JHY: variants seen among roughly 807,000 people sequenced by gnomAD.
The protein encoded by JHY is jhy protein homolog.
Under a neutral mutation model 78.0 loss-of-function variants are expected in JHY, and 69 were observed. The observed-to-expected ratio is 0.88, with a 90% CI of 0.73 to 1.08. The LOEUF (loss-of-function observed/expected upper bound fraction) is 1.08. Ranked by LOEUF, JHY falls within the 50% of genes least tolerant of loss-of-function variation. The pLI is 0.00. For missense variants in JHY, 944 were observed against 927.8 expected (o/e 1.02, Z -0.23); for synonymous variants, 368 against 342.6 (o/e 1.07, Z -0.82).
intron 2 of JHY, among the ~76,000 whole-genome samples, chr11:122,892,326 ATT>A (rs879432982): frequency 6.8e-6 from 1 of 146,588 alleles, no homozygotes; most frequent in African/African-American, 2.5e-5. Context: ...AATAATCTGC[ATT>A]TTTTTTTTTT....
chr11:122,907,754 G>T (rs1863025557), intron 3 of JHY, among the ~76,000 whole-genome samples: 1 of 147,914 alleles, frequency 6.8e-6, no homozygotes, highest in Non-Finnish European at 1.5e-5. Context: ...TGAGGCAGGA[G>T]AATCGCTCGA....
chr11:122,961,214 A>T lies in JHY; in HGVS notation c.*1769A>T, dbSNP rs1864307468. On this transcript the variant is annotated 3_prime_UTR_variant, in exon 9 of 9. Coordinates refer to ENST00000227349, the MANE Select transcript of JHY (RefSeq NM_024806.4). ...ATAGTTTATATCTCCTAAAAATGAAACATTTGTTCCCTATACTGAGAGAAC... is the reference window on the plus strand; with the variant it reads ...ATAGTTTATATCTCCTAAAAATGAATCATTTGTTCCCTATACTGAGAGAAC... 5 of 463,212 alleles carry T rather than the reference A, an allele frequency of 1.1e-5. No homozygotes were observed. 28.7% of individuals were successfully genotyped at this position (463,212 alleles called of 1,614,324 possible).
chr11:122,961,318 TG>T lies in JHY; in HGVS notation c.*1874del, dbSNP rs911051886. 1.4e-3 allele frequency among the ~76,000 whole-genome samples: 160 copies of T among 112,466 alleles called. 1 individual carries two copies. The highest frequency in any genetic ancestry group is 3.0e-3 in the Non-Finnish European group (137 of 46,056). The allele number at this position is 112,466 out of a possible 152,430, so 73.8% of individuals were successfully genotyped here. The stretch of plus-strand genomic sequence containing the variant: ...TGTTCCATGATCATTTTTTTATTGT[TG>T]TTTTTTTTGCTGTTGTTGTTGTTTT... On this transcript the variant is annotated 3_prime_UTR_variant, in exon 9 of 9. Transcript: ENST00000227349.
At chr11:122,914,689 C>T (rs1408510534) in intron 3 of JHY, among the ~76,000 whole-genome samples, 2 of 151,918 alleles carry the variant, frequency 1.3e-5, no homozygotes, top group Non-Finnish European at 2.9e-5. Context: ...ATGATCTGCC[C>T]GCCTCAGCCT....
Position 122,935,200 on chromosome 11 carries a change from A to G in JHY, c.1634+125A>G, listed in dbSNP as rs1412573863. 4.7e-6 allele frequency: 4 copies of G among 846,086 alleles called. No homozygotes were observed. Among genetic ancestry groups the G allele is most frequent in the Non-Finnish European group, 7.0e-6 (4 of 570,696 alleles). 52.4% of individuals were successfully genotyped at this position (846,086 alleles called of 1,614,324 possible). On this transcript the variant is annotated intron_variant, in intron 5 of 8. Coordinates refer to ENST00000227349, the MANE Select transcript of JHY (RefSeq NM_024806.4). The surrounding 1 kb of genome is among the most constrained non-coding windows in gnomAD (Gnocchi z 4.5). ...GCTAGGTGAGAAGAAGAGTTCACCTAACAACTTCCTTAGCTCTGATTCCTG... is the reference window on the plus strand; with the variant it reads ...GCTAGGTGAGAAGAAGAGTTCACCTGACAACTTCCTTAGCTCTGATTCCTG...
chr11:122,952,056 T>C (rs1443525645), intron 6 of JHY, among the ~76,000 whole-genome samples: 1 of 151,048 alleles, frequency 6.6e-6, no homozygotes, highest in Non-Finnish European at 1.5e-5. Context: ...CATGGAGAGG[T>C]AAATCAAAGT....
intron 8 of JHY, among the ~76,000 whole-genome samples, chr11:122,957,811 T>TCACACATACACA (rs1864225093): frequency 6.7e-6 from 1 of 149,712 alleles, no homozygotes; most frequent in Non-Finnish European, 1.5e-5. Flanking sequence ...ACACACACAG[T>TCACACATACACA]CACACACACA....
At chr11:122,927,215 T>C (rs184712258) in intron 4 of JHY, 8 of 152,354 alleles carry the variant, frequency 5.3e-5, no homozygotes, top group African/African-American at 1.9e-4. Flanking sequence ...ATCGCAGTGC[T>C]TGATTTATGG....
At chr11:122,892,767 C>T (rs576868299) in intron 2 of JHY, among the ~76,000 whole-genome samples, 1 of 152,210 alleles carries the variant, frequency 6.6e-6, no homozygotes, top group South Asian at 2.1e-4. Flanking sequence ...CCAAAAGAGA[C>T]CACAGGTAGA....
rs1445949175 is a variant in JHY at position 122,935,228 on chromosome 11, T to G, written c.1634+153T>G. Among the ~76,000 whole-genome samples, 1 of 150,920 alleles carries G rather than the reference T, an allele frequency of 6.6e-6. No individual in the cohort carries two copies. The highest frequency in any genetic ancestry group is 2.4e-5 in the African/African-American group (1 of 40,928). ...AACTTCCTTAGCTCTGATTCCTGCC[T>G]CAAAGAGTCCACTTTTTTTTTTTTT... is the stretch of plus-strand genomic sequence containing the variant. On this transcript the variant is annotated intron_variant, in intron 5 of 8. Transcript: ENST00000227349. This position sits in a 1 kb window ranked among gnomAD's most constrained non-coding sequence, Gnocchi z 4.5.
At chr11:122,941,363 T>G (rs1863872231) in intron 5 of JHY, among the ~76,000 whole-genome samples, 1 of 152,208 alleles carries the variant, frequency 6.6e-6, no homozygotes, top group Non-Finnish European at 1.5e-5. Context: ...TTCCTCATGC[T>G]TCTCCTTTTC....
rs199735540 is a variant in JHY at position 122,963,158 on chromosome 11, CT to C, written c.*3723del. Reference sequence around the variant, plus strand: ...CAATAAAAGAGACACTATTTATTTTCTTTTTTTTTTCCAGAACATTTCAAAA... The same window carrying C: ...CAATAAAAGAGACACTATTTATTTTCTTTTTTTTTCCAGAACATTTCAAAA... On this transcript the variant is annotated 3_prime_UTR_variant, in exon 9 of 9. Coordinates refer to ENST00000227349, the MANE Select transcript of JHY (RefSeq NM_024806.4). Among the ~76,000 whole-genome samples, 2,727 of 149,414 alleles carry C rather than the reference CT, an allele frequency of 0.018. 70 individuals carry two copies. Among genetic ancestry groups the C allele is most frequent in the South Asian group, 0.096 (450 of 4,704 alleles).
chr11:122,911,008 T>G (rs1863109935), intron 3 of JHY, among the ~76,000 whole-genome samples: 1 of 152,240 alleles, frequency 6.6e-6, no homozygotes. Flanking sequence ...AGGCAGTAAC[T>G]TTGCTGGTGA....
At chr11:122,956,768 G>C (rs923196831) in intron 7 of JHY, among the ~76,000 whole-genome samples, 192 bp downstream of exon 7, 1 of 152,142 alleles carries the variant, frequency 6.6e-6, no homozygotes, top group Non-Finnish European at 1.5e-5. Context: ...TATTTAGCCC[G>C]TGTTGTTTTA....
intron 3 of JHY, among the ~76,000 whole-genome samples, chr11:122,906,483 C>G (rs1862996426): frequency 6.6e-6 from 1 of 152,128 alleles, no homozygotes; most frequent in Non-Finnish European, 1.5e-5. Context: ...GCATGAGTCA[C>G]CATGCCCAGC....
At chr11:122,943,387 T>C (rs1021066690) in intron 5 of JHY, among the ~76,000 whole-genome samples, 4 of 152,242 alleles carry the variant, frequency 2.6e-5, no homozygotes, top group African/African-American at 9.6e-5. Context: ...TTTTGGTCAA[T>C]GTAACCAAAT....
intron 3 of JHY, among the ~76,000 whole-genome samples, chr11:122,907,932 T>TA (rs1863030958): frequency 6.6e-6 from 1 of 152,222 alleles, no homozygotes; most frequent in Non-Finnish European, 1.5e-5. Context: ...TTGTTTTTTT[T>TA]ATAAAACTCC....
At chr11:122,922,327 T>C (rs1863384595) in intron 3 of JHY, among the ~76,000 whole-genome samples, 1 of 152,164 alleles carries the variant, frequency 6.6e-6, no homozygotes, top group South Asian at 2.1e-4. Context: ...GTAAAGTTAA[T>C]AGAGATAGCT....
rs374942941 is a variant in JHY at position 122,931,682 on chromosome 11, G to A, written c.979-2738G>A. Among the ~76,000 whole-genome samples, 6 of 152,124 alleles carry A rather than the reference G, an allele frequency of 3.9e-5. No homozygotes were observed. In the East Asian group the frequency reaches 5.8e-4, roughly 15 times the overall value. On this transcript the variant is annotated intron_variant, in intron 4 of 8. Coordinates refer to ENST00000227349, the MANE Select transcript of JHY (RefSeq NM_024806.4). Reference sequence around the variant, plus strand: ...CCAGGCACAACTCTCAGGACTCCACGGTTGAGTCAGGTTAACTAAGAGCAG... The same window carrying A: ...CCAGGCACAACTCTCAGGACTCCACAGTTGAGTCAGGTTAACTAAGAGCAG...
Sources: gnomAD v4.1 joint callset for allele counts (sites outside exome capture counted in the v4.1 genomes callset) on GRCh38, gnomAD v4.1.1 for gene constraint, Gnocchi (gnomAD v3.1) non-coding constraint, MANE v1.5 for transcripts, NCBI Gene and HGNC (gene_info 2026-07-23, HGNC 2026-07-21) for gene names.